Variants in SH3RF3 observed in about 807,000 individuals in gnomAD.
SH3RF3 encodes E3 ubiquitin-protein ligase SH3RF3.
SH3RF3 carries 29 observed loss-of-function variants against 66.3 expected under a neutral mutation model. The ratio of observed to expected loss-of-function variants is 0.44; its 90% CI spans 0.33 to 0.60. SH3RF3 has a LOEUF of 0.60. SH3RF3 is among the 20% of genes least tolerant of loss of function. The pLI, the probability that SH3RF3 is intolerant of heterozygous loss-of-function variation, is 0.04. For missense variants in SH3RF3, 1,194 were observed against 1,190.9 expected (o/e 1.00, Z -0.04); for synonymous variants, 583 against 532.0 (o/e 1.10, Z -1.32).
At chr2:109,483,046 T>C (rs1293244487) in intron 8 of SH3RF3, among the ~76,000 whole-genome samples, 2 of 152,164 alleles carry the variant, frequency 1.3e-5, no homozygotes, top group African/African-American at 4.8e-5. Flanking sequence ...GTAGATCTTC[T>C]ATTCCTCTGC....
At chr2:109,352,671 G>T (rs1682866609) in intron 2 of SH3RF3, among the ~76,000 whole-genome samples, 1 of 152,178 alleles carries the variant, frequency 6.6e-6, no homozygotes, top group Non-Finnish European at 1.5e-5. Flanking sequence ...GAAACTCAGG[G>T]AACCAGTTCT....
At chr2:109,456,345 T>C (rs1443287014) in intron 8 of SH3RF3, among the ~76,000 whole-genome samples, 1 of 152,216 alleles carries the variant, frequency 6.6e-6, no homozygotes, top group East Asian at 1.9e-4. Flanking sequence ...AGCCAGCATG[T>C]GCGGCTGAAA....
chr2:109,446,375 C>A (rs910269073), intron 7 of SH3RF3, among the ~76,000 whole-genome samples: 13 of 152,222 alleles, frequency 8.5e-5, no homozygotes, highest in Non-Finnish European at 1.8e-4. Flanking sequence ...GCAGCCATGT[C>A]CCCACCTCAT....
At chr2:109,386,105 G>A (rs780946117) in intron 3 of SH3RF3, among the ~76,000 whole-genome samples, 12 of 152,238 alleles carry the variant, frequency 7.9e-5, no homozygotes, top group Non-Finnish European at 1.3e-4. Context: ...GGATCTGGAA[G>A]CTAAGGAACG....
At position 109,398,927 on chromosome 2, in the gene SH3RF3, G is replaced by T; in HGVS notation, c.1283G>T (p.Cys428Phe). ...ATTGGAGACCTTGCTCATCTGTCGT[G>T]CGCTGCTCCCACCCAGGTAACATCC... ...ARIGDLAHLS[C>F]AAPTQDVSSS... The change falls in exon 4 of 10, where the codon TGC becomes TTC. Residue 428 changes from cysteine to phenylalanine, a missense_variant. By Grantham distance (205) the Cys-to-Phe change is radical (BLOSUM62 -2). Transcript: ENST00000309415. The T allele has an allele frequency of 1.3e-5, 21 of 1,612,136 alleles. No homozygotes were observed. Among genetic ancestry groups the T allele is most frequent in the Non-Finnish European group, 1.8e-5 (21 of 1,179,568 alleles).
intron 1 of SH3RF3, among the ~76,000 whole-genome samples, chr2:109,211,404 A>T (rs1678971653): frequency 6.6e-6 from 1 of 152,242 alleles, no homozygotes; most frequent in South Asian, 2.1e-4. Flanking sequence ...TGTTATAAAC[A>T]GCAGGGAAGC....
intron 8 of SH3RF3, among the ~76,000 whole-genome samples, chr2:109,486,536 C>T (rs1253748130): frequency 6.6e-6 from 1 of 152,196 alleles, no homozygotes; most frequent in African/African-American, 2.4e-5. Context: ...ACATAATCAC[C>T]AGATATTGAT....
At chr2:109,332,079 C>T (rs1263340749) in intron 1 of SH3RF3, among the ~76,000 whole-genome samples, 2 of 152,148 alleles carry the variant, frequency 1.3e-5, no homozygotes, top group Non-Finnish European at 1.5e-5. Flanking sequence ...ATGTGTTTGC[C>T]AGTCTTTTGG....
chr2:109,248,395 C>T (rs964609152), intron 1 of SH3RF3, among the ~76,000 whole-genome samples: 2 of 152,074 alleles, frequency 1.3e-5, no homozygotes, highest in Non-Finnish European at 2.9e-5. Flanking sequence ...TATGTGTTAT[C>T]GCTCTCATTT....
At chr2:109,163,942 G>A (rs1677555610) in intron 1 of SH3RF3, among the ~76,000 whole-genome samples, 1 of 152,168 alleles carries the variant, frequency 6.6e-6, no homozygotes, top group African/African-American at 2.4e-5. Flanking sequence ...TCAGTTTTGT[G>A]ATCTGGATAT....
chr2:109,454,698 A>C (rs1677988469), intron 8 of SH3RF3, among the ~76,000 whole-genome samples: 1 of 152,142 alleles, frequency 6.6e-6, no homozygotes, highest in South Asian at 2.1e-4. Context: ...GGTAGGATAG[A>C]TCTTCATGGT....
intron 1 of SH3RF3, among the ~76,000 whole-genome samples, chr2:109,243,198 A>G (rs11683282): frequency 0.017 from 2,516 of 152,356 alleles, 31 homozygotes; most frequent in Non-Finnish European, 0.026. Context: ...AGGTCTGAGC[A>G]GTAGCTGAGA....
chr2:109,382,252 A>T (rs899092165), intron 3 of SH3RF3, among the ~76,000 whole-genome samples: 1 of 145,364 alleles, frequency 6.9e-6, no homozygotes, highest in Non-Finnish European at 1.5e-5. Flanking sequence ...TTCCTTAACC[A>T]TAGGGTCTGT....
At chr2:109,323,848 A>G (rs975661805) in intron 1 of SH3RF3, among the ~76,000 whole-genome samples, 1 of 152,210 alleles carries the variant, frequency 6.6e-6, no homozygotes, top group African/African-American at 2.4e-5. Flanking sequence ...TTATGTTTTT[A>G]TCTTTTTAAA....
At chr2:109,376,908 G>A (rs1304882752) in intron 3 of SH3RF3, among the ~76,000 whole-genome samples, 1 of 152,230 alleles carries the variant, frequency 6.6e-6, no homozygotes, top group Non-Finnish European at 1.5e-5. Context: ...TGACCATCCT[G>A]TGCCTAGATA....
intron 1 of SH3RF3, among the ~76,000 whole-genome samples, chr2:109,333,066 C>T (rs761542186): frequency 7.9e-5 from 12 of 152,354 alleles, no homozygotes; most frequent in Middle Eastern, 6.8e-3. Flanking sequence ...TGCTCACTGC[C>T]TGGTGCCCTG....
intron 1 of SH3RF3, chr2:109,251,578 C>T (rs901104189): frequency 1.5e-5 from 13 of 879,154 alleles, no homozygotes; most frequent in Non-Finnish European, 2.5e-5. Flanking sequence ...GACTGGTGGG[C>T]AACAGAACAA....
At chr2:109,275,792 C>T (rs1574544908) in intron 1 of SH3RF3, among the ~76,000 whole-genome samples, 2 of 152,330 alleles carry the variant, frequency 1.3e-5, no homozygotes, top group Non-Finnish European at 2.9e-5. Flanking sequence ...TGAAGCGAGG[C>T]ACAGTGAGAG....
At chr2:109,381,913 A>C (rs1675686424) in intron 3 of SH3RF3, among the ~76,000 whole-genome samples, 1 of 152,122 alleles carries the variant, frequency 6.6e-6, no homozygotes, top group Non-Finnish European at 1.5e-5. Flanking sequence ...ACATGTACGT[A>C]ACACACATCT....
Sources: allele counts gnomAD v4.1 joint callset (sites outside exome capture counted in the v4.1 genomes callset), GRCh38; gene constraint gnomAD v4.1.1; transcripts MANE v1.5; gene names NCBI Gene and HGNC (gene_info 2026-07-23, HGNC 2026-07-21).